GPC5: variants seen among roughly 807,000 people sequenced by gnomAD.
GPC5 encodes glypican 5.
A neutral mutation model predicts 53.9 loss-of-function variants in GPC5; 47 were observed. That is an observed-to-expected ratio of 0.87 (90% CI 0.69 to 1.11). The LOEUF (loss-of-function observed/expected upper bound fraction) is 1.11. Among genes scored for constraint, GPC5 ranks in the 50% most tolerant of loss-of-function variants. The pLI, the probability that GPC5 is intolerant of heterozygous loss-of-function variation, is 0.00. For synonymous variants in GPC5, 286 were observed against 263.3 expected, an observed-to-expected ratio of 1.09 and a Z score of -0.84; for missense variants, 748 against 713.1, an observed-to-expected ratio of 1.05 and a Z score of -0.56.
rs137917191 is a variant in GPC5, at chr13:91,506,366, A to T, written c.325+57444A>T. ...TTTCATCGCCTTTATTGAATATTTA[A>T]ATCCATTAATCTTGTTCCCTTGTTT... On this transcript the variant is annotated intron_variant, in intron 2 of 7. Transcript: ENST00000377067. Among the ~76,000 whole-genome samples, 34 of 152,270 alleles carry T rather than the reference A, an allele frequency of 2.2e-4. 1 individual carries two copies. The highest frequency in any genetic ancestry group is 7.9e-4 in the African/African-American group (33 of 41,548).
At chr13:91,487,097 C>G (rs1028537760) in intron 2 of GPC5, among the ~76,000 whole-genome samples, 107 of 151,954 alleles carry the variant, frequency 7.0e-4, no homozygotes, top group Admixed American at 7.0e-3. Flanking sequence ...TCTTCACCTT[C>G]TGAGGGTTTG....
At chr13:92,013,714 T>C (rs1425755093) in intron 6 of GPC5, among the ~76,000 whole-genome samples, 1 of 152,160 alleles carries the variant, frequency 6.6e-6, no homozygotes, top group African/African-American at 2.4e-5. Context: ...AATTCCCTTT[T>C]TCCCAGCAAT....
chr13:92,403,912 C>CT (rs1875673152), intron 7 of GPC5, among the ~76,000 whole-genome samples: 1 of 151,950 alleles, frequency 6.6e-6, no homozygotes, highest in South Asian at 2.1e-4. Context: ...ATATTAGCAA[C>CT]TTTATTGGAA....
chr13:91,653,791 A>G (rs2034778377), intron 2 of GPC5, among the ~76,000 whole-genome samples: 1 of 152,152 alleles, frequency 6.6e-6, no homozygotes, highest in Admixed American at 6.6e-5. Context: ...AGAATTTTTA[A>G]CAGCTTTCAG....
intron 7 of GPC5, among the ~76,000 whole-genome samples, chr13:92,388,441 G>A (rs1187755665): frequency 6.6e-6 from 1 of 152,066 alleles, no homozygotes; most frequent in African/African-American, 2.4e-5. Flanking sequence ...GACTAAGACA[G>A]CATGGATATT....
intron 2 of GPC5, among the ~76,000 whole-genome samples, chr13:91,487,370 A>G (rs928043925): frequency 1.3e-5 from 2 of 152,196 alleles, no homozygotes; most frequent in African/African-American, 2.4e-5. Flanking sequence ...TGGAATTTCA[A>G]TGCGCCTCAG....
At chr13:92,585,869 A>G (rs367811438) in intron 7 of GPC5, among the ~76,000 whole-genome samples, 23 of 152,162 alleles carry the variant, frequency 1.5e-4, no homozygotes, top group Non-Finnish European at 3.1e-4. Flanking sequence ...TGCCATTCAC[A>G]TAAGACATGA....
At chr13:91,621,792 T>TATATATATATATAA (rs2033867114) in intron 2 of GPC5, among the ~76,000 whole-genome samples, 1 of 142,368 alleles carries the variant, frequency 7.0e-6, no homozygotes, top group Admixed American at 6.9e-5. Context: ...TATATATATA[T>TATATATATATATAA]GAAGGGGAGT....
chr13:92,752,179 TCA>T (rs1889421232), intron 7 of GPC5, among the ~76,000 whole-genome samples: 1 of 152,090 alleles, frequency 6.6e-6, no homozygotes, highest in South Asian at 2.1e-4. Context: ...AGCATTTGCG[TCA>T]CAGTGTCCTG....
chr13:91,787,742 T>A (rs181428606), intron 5 of GPC5, among the ~76,000 whole-genome samples: 1 of 152,282 alleles, frequency 6.6e-6, no homozygotes, highest in East Asian at 1.9e-4. Flanking sequence ...TTTATAAACA[T>A]GTATATTTAT....
intron 5 of GPC5, among the ~76,000 whole-genome samples, chr13:91,831,391 A>C (rs972150346): frequency 2.6e-5 from 4 of 151,942 alleles, no homozygotes; most frequent in Non-Finnish European, 4.4e-5. Context: ...TCCCCAGCCC[A>C]CTGATTCAAA....
chr13:92,226,980 C>T (rs2058751325), intron 7 of GPC5, among the ~76,000 whole-genome samples: 1 of 152,118 alleles, frequency 6.6e-6, no homozygotes, highest in Admixed American at 6.6e-5. Context: ...GGGCCAGTTA[C>T]CTTGGAAACC....
At chr13:92,712,323 C>T (rs1888166738) in intron 7 of GPC5, among the ~76,000 whole-genome samples, 2 of 151,776 alleles carry the variant, frequency 1.3e-5, no homozygotes, top group Admixed American at 1.3e-4. Flanking sequence ...AAAGCACAAA[C>T]CATTACATCT....
At chr13:91,423,654 G>A (rs1243683434) in intron 1 of GPC5, among the ~76,000 whole-genome samples, 1 of 152,150 alleles carries the variant, frequency 6.6e-6, no homozygotes, top group Non-Finnish European at 1.5e-5. Context: ...ATAAGTTCTA[G>A]GGATCTATTG....
intron 6 of GPC5, among the ~76,000 whole-genome samples, chr13:91,914,136 C>T (rs945797261): frequency 6.6e-6 from 1 of 152,156 alleles, no homozygotes; most frequent in Non-Finnish European, 1.5e-5. Flanking sequence ...TCTTTAAACA[C>T]TAAATGACAT....
chr13:92,433,843 G>A (rs1285537017), intron 7 of GPC5, among the ~76,000 whole-genome samples: 1 of 152,026 alleles, frequency 6.6e-6, no homozygotes, highest in Non-Finnish European at 1.5e-5. Context: ...CTACCTCTAG[G>A]TCCTAAAGAA....
chr13:91,527,730 A>G (rs540145683), intron 2 of GPC5, among the ~76,000 whole-genome samples: 1 of 152,348 alleles, frequency 6.6e-6, no homozygotes, highest in African/African-American at 2.4e-5. Context: ...CTGGACATCC[A>G]GGCATTTCCA....
Position 92,866,305 on chromosome 13 carries a change from AG to A in GPC5, c.1586del (p.Ser529MetfsTer3), listed in dbSNP as rs1429898767. 1 of 1,611,894 alleles carries A rather than the reference AG, an allele frequency of 6.2e-7. No homozygotes were observed. The highest frequency in any genetic ancestry group is 8.5e-7 in the Non-Finnish European group (1 of 1,178,646). ...AGGGATGCCAGATGATATGAACTTC[AG>A]TGATGTAAAGCAAATCCATCAAACA... ...TDWMPDDMNF[S>X]DVKQIHQTDT... On this transcript the variant is annotated frameshift_variant, in exon 8 of 8. Coordinates refer to ENST00000377067, the MANE Select transcript of GPC5 (RefSeq NM_004466.6). LOFTEE classifies it low-confidence loss of function (END_TRUNC).
At chr13:91,725,077 T>A (rs553478859) in intron 3 of GPC5, 1 of 152,264 alleles carries the variant, frequency 6.6e-6, no homozygotes, top group South Asian at 2.1e-4. Flanking sequence ...ATGGGGAAAG[T>A]CAGCTAAGTG....
Sources: allele counts gnomAD v4.1 joint callset (sites outside exome capture counted in the v4.1 genomes callset), GRCh38; gene constraint gnomAD v4.1.1; transcripts MANE v1.5; gene names NCBI Gene and HGNC (gene_info 2026-07-23, HGNC 2026-07-21).